Variants in LUZP2 observed in about 807,000 individuals in gnomAD.
The protein encoded by LUZP2 is leucine zipper protein 2.
A neutral mutation model predicts 51.6 loss-of-function variants in LUZP2; 52 were observed. The observed-to-expected ratio is 1.01, with a 90% CI of 0.81 to 1.27. LUZP2 has a LOEUF of 1.27. Ranked by LOEUF, LUZP2 falls within the 50% of genes most tolerant of loss-of-function variation. The pLI, the probability that LUZP2 is intolerant of heterozygous loss-of-function variation, is 0.00. For synonymous variants in LUZP2, 154 were observed against 137.3 expected, an observed-to-expected ratio of 1.12 and a Z score of -0.85; for missense variants, 436 against 395.4, an observed-to-expected ratio of 1.10 and a Z score of -0.87.
intron 7 of LUZP2, among the ~76,000 whole-genome samples, chr11:24,968,243 A>G (rs909948839): frequency 2.0e-5 from 3 of 152,190 alleles, no homozygotes; most frequent in Admixed American, 2.0e-4. Flanking sequence ...ATTTGCTGTA[A>G]GTGAACACAC....
intron 1 of LUZP2, among the ~76,000 whole-genome samples, chr11:24,531,287 T>C (rs779807429): frequency 1.3e-5 from 2 of 150,686 alleles, no homozygotes; most frequent in African/African-American, 2.4e-5. Flanking sequence ...ATTTTTAAGA[T>C]GTTTAATTAT....
chr11:24,826,707 T>C (rs4922696), intron 5 of LUZP2, among the ~76,000 whole-genome samples: 119,968 of 151,752 alleles, frequency 0.79, 47,732 homozygotes, highest in East Asian at 0.88. Context: ...AGAGTTTCAC[T>C]GAAGATATAC....
intron 1 of LUZP2, among the ~76,000 whole-genome samples, chr11:24,686,406 C>G (rs1856898012): frequency 6.6e-6 from 1 of 152,110 alleles, no homozygotes; most frequent in African/African-American, 2.4e-5. Context: ...TGGGATACTT[C>G]CATGCCAGTA....
chr11:24,606,087 T>G (rs1229934831), intron 1 of LUZP2, among the ~76,000 whole-genome samples: 1 of 151,884 alleles, frequency 6.6e-6, no homozygotes, highest in African/African-American at 2.4e-5. Flanking sequence ...TAGGTATATT[T>G]GTATATATTT....
intron 1 of LUZP2, among the ~76,000 whole-genome samples, chr11:24,640,238 T>A (rs920770884): frequency 1.3e-5 from 2 of 151,854 alleles, no homozygotes; most frequent in African/African-American, 4.9e-5. Flanking sequence ...TCAAAAAGAC[T>A]CCTGTGTATG....
intron 1 of LUZP2, among the ~76,000 whole-genome samples, chr11:24,550,009 C>T (rs1469767018): frequency 3.9e-5 from 6 of 152,034 alleles, no homozygotes; most frequent in Admixed American, 6.6e-5. Flanking sequence ...CCACCCTCTT[C>T]TGAAATGGAA....
chr11:24,918,967 T>G (rs1042962539), intron 7 of LUZP2, among the ~76,000 whole-genome samples: 2 of 144,616 alleles, frequency 1.4e-5, no homozygotes, highest in African/African-American at 5.0e-5. Flanking sequence ...ATGTATTATA[T>G]ATAGTTATAT....
At chr11:24,811,486 G>A (rs1163986470) in intron 5 of LUZP2, among the ~76,000 whole-genome samples, 3 of 152,096 alleles carry the variant, frequency 2.0e-5, no homozygotes, top group African/African-American at 7.2e-5. Flanking sequence ...AAAAATCATG[G>A]AGTAATCCTT....
chr11:24,929,325 C>T (rs1447266501), intron 7 of LUZP2, among the ~76,000 whole-genome samples: 2 of 151,938 alleles, frequency 1.3e-5, no homozygotes, highest in East Asian at 3.9e-4. Context: ...TCTATTTGTG[C>T]TTTTCCAAAC....
intron 1 of LUZP2, among the ~76,000 whole-genome samples, chr11:24,603,192 C>T (rs1359836055): frequency 6.6e-6 from 1 of 151,538 alleles, no homozygotes; most frequent in African/African-American, 2.4e-5. Context: ...AATGTGAAAC[C>T]CCAAGATGAG....
At chr11:24,940,579 T>C (rs1854718296) in intron 7 of LUZP2, among the ~76,000 whole-genome samples, 1 of 152,216 alleles carries the variant, frequency 6.6e-6, no homozygotes, top group Non-Finnish European at 1.5e-5. Context: ...ATAGCTTCTA[T>C]GTTATACAGT....
Position 24,775,831 on chromosome 11 carries a change from T to C in LUZP2, c.396+12523T>C, listed in dbSNP as rs572777981. 1.1e-4 allele frequency among the ~76,000 whole-genome samples: 16 copies of C among 152,290 alleles called. No individual in the cohort carries two copies. In the South Asian group the frequency reaches 2.9e-3, roughly 28 times the overall value. On this transcript the variant is annotated intron_variant, in intron 5 of 11. Transcript: ENST00000336930. ...GAGAAAGTTTAGCTCTTTACTCTTA[T>C]GCCTTTGGTAAATATTATTTTATGT...
chr11:24,729,500 T>C (rs1858630751), intron 2 of LUZP2, among the ~76,000 whole-genome samples: 1 of 151,970 alleles, frequency 6.6e-6, no homozygotes, highest in African/African-American at 2.4e-5. Context: ...GAAAATTGTG[T>C]TCTTGGCAGA....
intron 7 of LUZP2, among the ~76,000 whole-genome samples, chr11:24,929,621 C>T (rs1485912337): frequency 2.0e-5 from 3 of 151,980 alleles, no homozygotes; most frequent in African/African-American, 4.8e-5. Context: ...TTGACTGACA[C>T]TTGTTTTGTG....
intron 1 of LUZP2, among the ~76,000 whole-genome samples, chr11:24,549,442 T>A (rs1295731964): frequency 6.6e-6 from 1 of 152,084 alleles, no homozygotes; most frequent in Non-Finnish European, 1.5e-5. Flanking sequence ...AATTCTTTTT[T>A]AAAAATAAGT....
intron 7 of LUZP2, 36 bp from the exon 8 acceptor site, chr11:24,976,555 A>T: frequency 6.9e-7 from 1 of 1,456,170 alleles, no homozygotes; most frequent in Non-Finnish European, 9.4e-7. Context: ...GGGAAATTGC[A>T]GAATTTATCT....
chr11:24,848,631 T>G (rs1234659770), intron 5 of LUZP2, among the ~76,000 whole-genome samples: 1 of 152,152 alleles, frequency 6.6e-6, no homozygotes, highest in African/African-American at 2.4e-5. Flanking sequence ...ATCTTTGTCC[T>G]CTGCCTTCTT....
chr11:24,559,658 A>G (rs1220551805), intron 1 of LUZP2, among the ~76,000 whole-genome samples: 1 of 152,226 alleles, frequency 6.6e-6, no homozygotes, highest in African/African-American at 2.4e-5. Context: ...GACAGAAACT[A>G]TGCAATTATC....
intron 6 of LUZP2, among the ~76,000 whole-genome samples, chr11:24,911,896 C>A (rs976797478): frequency 6.6e-6 from 1 of 152,086 alleles, no homozygotes; most frequent in Non-Finnish European, 1.5e-5. Flanking sequence ...ACTAGGTAGA[C>A]TCAATCATGT....
Sources: allele counts gnomAD v4.1 joint callset (sites outside exome capture counted in the v4.1 genomes callset), GRCh38; gene constraint gnomAD v4.1.1; transcripts MANE v1.5; gene names NCBI Gene and HGNC (gene_info 2026-07-23, HGNC 2026-07-21).